Variants in DNAAF9 observed in about 807,000 individuals in gnomAD.
The protein encoded by DNAAF9 is dynein axonemal assembly factor 9.
A neutral mutation model predicts 167.0 loss-of-function variants in DNAAF9; 90 were observed. The observed-to-expected ratio is 0.54, with a 90% CI of 0.45 to 0.64. DNAAF9 has a LOEUF of 0.64. DNAAF9 is among the 30% of genes least tolerant of loss of function. The pLI is 0.00. For missense variants in DNAAF9, 1,315 were observed against 1,442.2 expected, an observed-to-expected ratio of 0.91 and a Z score of 1.43; for synonymous variants, 491 against 508.8, an observed-to-expected ratio of 0.96 and a Z score of 0.47.
chr20:3,285,897 T>C (rs1461058469), intron 27 of DNAAF9, among the ~76,000 whole-genome samples: 6 of 151,056 alleles, frequency 4.0e-5, no homozygotes, highest in Admixed American at 4.0e-4. Flanking sequence ...GGAGTATTGC[T>C]TGAACTCGGG....
Position 3,252,541 on chromosome 20 carries a change from A to G in DNAAF9, c.*31T>C. ...CCGTTCGTCCATCTCCAAGGTGGACATTCTGCAGGACGTACGGGCCCAGCC... is the reference window on the plus strand; with the variant it reads ...CCGTTCGTCCATCTCCAAGGTGGACGTTCTGCAGGACGTACGGGCCCAGCC... On this transcript the variant is annotated 3_prime_UTR_variant, in exon 37 of 37. Coordinates refer to ENST00000252032, the MANE Select transcript of DNAAF9 (RefSeq NM_001009984.3). The G allele has an allele frequency of 8.4e-7, 1 of 1,188,440 alleles. No homozygotes were observed. Among genetic ancestry groups the G allele is most frequent in the South Asian group, 1.2e-5 (1 of 82,710 alleles). The allele number at this position is 1,188,440 out of a possible 1,614,324, so 73.6% of individuals were successfully genotyped here. A position where few individuals can be genotyped will look rare whatever the true frequency, so the allele number is the denominator to read the frequency against.
chr20:3,318,456 G>T, intron 16 of DNAAF9, 56 bp from the exon 17 acceptor site: 1 of 861,696 alleles, frequency 1.2e-6, no homozygotes, highest in Non-Finnish European at 2.0e-6. Context: ...TTTCAGAGAA[G>T]TCCATAAGAA....
At chr20:3,361,948 G>A (rs556141657) in intron 6 of DNAAF9, 825 of 1,530,018 alleles carry the variant, frequency 5.4e-4, no homozygotes, top group Admixed American at 2.3e-3. Context: ...ATCATTAGGC[G>A]CCGAAACTCT....
intron 31 of DNAAF9, among the ~76,000 whole-genome samples, chr20:3,260,739 C>T (rs1237250019): frequency 2.0e-5 from 3 of 152,076 alleles, no homozygotes; most frequent in African/African-American, 7.2e-5. Context: ...AAGCAATTCT[C>T]CTGCCTCAGC....
intron 6 of DNAAF9, chr20:3,361,972 T>G: frequency 6.5e-7 from 1 of 1,535,020 alleles, no homozygotes; most frequent in Non-Finnish European, 9.0e-7. Context: ...AGGACAACTT[T>G]GATGCTATAT....
In DNAAF9 at chr20:3,402,928, C is replaced by A. The variant is rs116056120; in HGVS notation, c.83+4547G>T. On this transcript the variant is annotated intron_variant, in intron 1 of 36. Coordinates refer to ENST00000252032, the MANE Select transcript of DNAAF9 (RefSeq NM_001009984.3). ...TTAAAATTCATTGTGCTAGATTCTTCGCAAGTCTTTTCAATCTGGAAACGT... is the reference window on the plus strand; with the variant it reads ...TTAAAATTCATTGTGCTAGATTCTTAGCAAGTCTTTTCAATCTGGAAACGT... Among the ~76,000 whole-genome samples, 825 of 152,218 alleles carry A rather than the reference C, an allele frequency of 5.4e-3. 2 individuals are homozygous for A. Among genetic ancestry groups the A allele is most frequent in the Middle Eastern group, 6.8e-3 (2 of 294 alleles).
chr20:3,389,296 C>T (rs1172258139), intron 1 of DNAAF9, among the ~76,000 whole-genome samples: 2 of 151,606 alleles, frequency 1.3e-5, no homozygotes, highest in African/African-American at 4.9e-5. Context: ...CAGGTGCATA[C>T]CACCACACCC....
chr20:3,256,016 G>T lies in DNAAF9; in HGVS notation c.3251C>A (p.Ser1084Ter). The T allele has an allele frequency of 6.2e-7, 1 of 1,612,712 alleles. No homozygotes were observed. Among genetic ancestry groups the T allele is most frequent in the South Asian group, 1.1e-5 (1 of 90,998 alleles). The change falls in exon 34 of 37, where the codon TCA (serine) becomes TAA (stop). Residue 1084 changes from serine (S) to a stop codon, truncating the protein, a stop_gained. Transcript: ENST00000252032. LOFTEE classifies it high-confidence loss of function. ...GGCTCTGGAAACCACCTGCTTAGCT[G>T]ACTGCCGCAGCCAGTCCTTGATGCT... ...EDSIKDWLRQ[S>*]AKQKPQRKAL... is the part of the protein sequence containing the mutation.
At chr20:3,254,716 C>A (rs2068248849) in intron 35 of DNAAF9, among the ~76,000 whole-genome samples, 1 of 152,132 alleles carries the variant, frequency 6.6e-6, no homozygotes, top group Non-Finnish European at 1.5e-5. Context: ...AGCTTTTTGT[C>A]CCCAAACCCC....
At chr20:3,348,007 C>G (rs6051772) in intron 8 of DNAAF9, among the ~76,000 whole-genome samples, 38,086 of 152,008 alleles carry the variant, frequency 0.25, 5,376 homozygotes, top group African/African-American at 0.37. Context: ...GGGAGCACAG[C>G]AGAGTTGAGG....
At chr20:3,392,184 T>G (rs1471420435) in intron 1 of DNAAF9, among the ~76,000 whole-genome samples, 2 of 152,022 alleles carry the variant, frequency 1.3e-5, no homozygotes, top group South Asian at 2.1e-4. Flanking sequence ...GAAAAAGAAA[T>G]AAATTTTTTC....
At chr20:3,258,723 C>T (rs2068325679) in intron 33 of DNAAF9, among the ~76,000 whole-genome samples, 1 of 152,070 alleles carries the variant, frequency 6.6e-6, no homozygotes, top group African/African-American at 2.4e-5. Flanking sequence ...TCCTCAGTGG[C>T]CTTGCTCTGC....
chr20:3,381,156 T>C (rs2083646221), intron 3 of DNAAF9, among the ~76,000 whole-genome samples: 1 of 152,240 alleles, frequency 6.6e-6, no homozygotes, highest in South Asian at 2.1e-4. Context: ...TGTTTACTTG[T>C]TTCTCTAAAG....
At chr20:3,388,801 A>G (rs926406787) in intron 1 of DNAAF9, among the ~76,000 whole-genome samples, 31 of 152,114 alleles carry the variant, frequency 2.0e-4, no homozygotes, top group African/African-American at 5.8e-4. Context: ...GGGAGAGGGA[A>G]TGGGGAGTTA....
chr20:3,339,991 T>C (rs961379956), intron 10 of DNAAF9, among the ~76,000 whole-genome samples: 20 of 152,254 alleles, frequency 1.3e-4, no homozygotes, highest in Non-Finnish European at 2.2e-4. Context: ...TGAGATAGCA[T>C]AGACTTTCAC....
intron 6 of DNAAF9, among the ~76,000 whole-genome samples, chr20:3,362,848 G>T (rs553054577): frequency 6.6e-6 from 1 of 152,146 alleles, no homozygotes; most frequent in South Asian, 2.1e-4. Flanking sequence ...GCTCTCAGTT[G>T]ATGGATTTTG....
In DNAAF9 at chr20:3,322,218, G is replaced by T; in HGVS notation, c.1355C>A (p.Thr452Lys). 1 of 1,607,166 alleles carries T rather than the reference G, an allele frequency of 6.2e-7. No homozygotes were observed. Among genetic ancestry groups the T allele is most frequent in the African/African-American group, 1.3e-5 (1 of 74,954 alleles). ...CTGACCCATGATAGCTCTGCTTACC[G>T]TCTTCACAAAGGATAAGCTATCTTC... ...DSEDSLSFVK[T>K]ACMAVYDIPD... Residue 452 changes from threonine to lysine, a missense_variant and splice_region_variant, in exon 16 of 37, where the codon ACG becomes AAG. Transcript: ENST00000252032.
intron 10 of DNAAF9, 71 bp downstream of exon 10, chr20:3,340,433 T>TCCGGGGGGGGCCCCCCCCCCCCCCCCCC: frequency 4.5e-6 from 1 of 221,214 alleles, no homozygotes; most frequent in Non-Finnish European, 9.5e-6. Context: ...TTTGTCTAGC[T>TCCGGGGGGGGCCCCCCCCCCCCCCCCCC]CCCCCCACCC....
intron 1 of DNAAF9, among the ~76,000 whole-genome samples, chr20:3,404,329 C>T (rs1453874164): frequency 2.6e-5 from 4 of 152,152 alleles, no homozygotes; most frequent in African/African-American, 9.7e-5. Context: ...AGCCACCGTG[C>T]CCAGCCTGAT....
Sources: allele counts gnomAD v4.1 joint callset (sites outside exome capture counted in the v4.1 genomes callset), GRCh38; gene constraint gnomAD v4.1.1; transcripts MANE v1.5; gene names NCBI Gene and HGNC (gene_info 2026-07-23, HGNC 2026-07-21).